SIK3: variants seen among roughly 807,000 people sequenced by gnomAD.
The protein encoded by SIK3 is SIK family kinase 3.
In SIK3, 28 loss-of-function variants were observed where a neutral mutation model predicts 144.2. That is an observed-to-expected ratio of 0.19 (90% CI 0.14 to 0.27). The LOEUF (loss-of-function observed/expected upper bound fraction) is 0.27. SIK3 is among the 10% of genes least tolerant of loss of function. The pLI, the probability that SIK3 is intolerant of heterozygous loss-of-function variation, is 1.00. For synonymous variants in SIK3, 686 were observed against 676.3 expected (o/e 1.01, Z -0.22); for missense variants, 1,319 against 1,776.0 (o/e 0.74, Z 4.62).
intron 1 of SIK3, among the ~76,000 whole-genome samples, chr11:117,085,516 T>C (rs1954966026): frequency 6.6e-6 from 1 of 152,184 alleles, no homozygotes; most frequent in African/African-American, 2.4e-5. Context: ...GAAAGGATTC[T>C]GGGATATGCT....
intron 4 of SIK3, among the ~76,000 whole-genome samples, chr11:116,915,543 T>G (rs1208948803): frequency 1.3e-5 from 2 of 151,930 alleles, no homozygotes; most frequent in Admixed American, 6.5e-5. Context: ...TTATTCCCAA[T>G]AAATCAAACT....
chr11:116,860,966 C>T (rs184246887), intron 19 of SIK3, among the ~76,000 whole-genome samples: 19 of 152,344 alleles, frequency 1.2e-4, no homozygotes, highest in Admixed American at 1.2e-3. Context: ...TTTTCTGAGG[C>T]CTCCCCAGCC....
chr11:117,051,291 TTC>T (rs1336092049), intron 1 of SIK3, among the ~76,000 whole-genome samples: 1 of 152,070 alleles, frequency 6.6e-6, no homozygotes, highest in African/African-American at 2.4e-5. Context: ...ATTCCCCTGG[TTC>T]TCAGGACCTC....
At chr11:117,095,064 G>A (rs1371428497) in intron 1 of SIK3, among the ~76,000 whole-genome samples, 2 of 151,998 alleles carry the variant, frequency 1.3e-5, no homozygotes, top group South Asian at 4.1e-4. Context: ...CACTCTAGAC[G>A]GTTTGAGAGT....
At chr11:116,983,401 G>A (rs757952644) in intron 1 of SIK3, among the ~76,000 whole-genome samples, 7 of 151,442 alleles carry the variant, frequency 4.6e-5, no homozygotes, top group Non-Finnish European at 1.0e-4. Context: ...ATGTTGGAGG[G>A]CGCCTGTAAT....
intron 4 of SIK3, among the ~76,000 whole-genome samples, chr11:116,898,027 GGTTA>G (rs1280130944): frequency 4.0e-5 from 6 of 151,788 alleles, no homozygotes; most frequent in Non-Finnish European, 8.8e-5. Flanking sequence ...ACAATGTGCA[GGTTA>G]GTTACATATG....
At position 116,952,036 on chromosome 11, in the gene SIK3, C is replaced by CT. The variant is rs200943063; in HGVS notation, c.454+2007dup. ...AGATTGATGTGCCCTGTGTTTGGGTCTTTTTTTATTACAAACATTAAGATG... is the reference window on the plus strand; with the variant it reads ...AGATTGATGTGCCCTGTGTTTGGGTCTTTTTTTTATTACAAACATTAAGATG... On this transcript the variant is annotated intron_variant, in intron 3 of 24. Transcript: ENST00000445177. Among the ~76,000 whole-genome samples the CT allele has an allele frequency of 2.1e-3, 313 of 152,102 alleles. 1 individual carries two copies. The highest frequency in any genetic ancestry group is 7.2e-3 in the African/African-American group (299 of 41,498).
intron 6 of SIK3, among the ~76,000 whole-genome samples, chr11:116,892,881 A>C (rs1440417271): frequency 1.3e-5 from 2 of 152,216 alleles, no homozygotes; most frequent in Non-Finnish European, 1.5e-5. Context: ...TTCAGTGCTA[A>C]AAAGAAACGG....
At chr11:116,972,211 A>T (rs528552080) in intron 1 of SIK3, among the ~76,000 whole-genome samples, 5 of 152,290 alleles carry the variant, frequency 3.3e-5, no homozygotes, top group African/African-American at 1.2e-4. Context: ...CAATGAAGTT[A>T]TGTGCCCTGG....
At chr11:116,966,142 T>C (rs900793208) in intron 1 of SIK3, among the ~76,000 whole-genome samples, 6 of 152,048 alleles carry the variant, frequency 3.9e-5, no homozygotes, top group Admixed American at 1.3e-4. Flanking sequence ...AGTGGCATAA[T>C]GACAAAATAG....
At chr11:116,887,072 T>G (rs1944858952) in intron 6 of SIK3, among the ~76,000 whole-genome samples, 1 of 152,144 alleles carries the variant, frequency 6.6e-6, no homozygotes, top group Non-Finnish European at 1.5e-5. Context: ...AAAAGTCATT[T>G]GACTTGGTCA....
intron 4 of SIK3, among the ~76,000 whole-genome samples, chr11:116,909,614 G>C (rs558806734): frequency 3.3e-4 from 50 of 152,254 alleles, no homozygotes; most frequent in African/African-American, 1.2e-3. Context: ...GCTATTTCTC[G>C]CCACTTGGAA....
chr11:116,976,576 A>AT (rs1188458325), intron 1 of SIK3, among the ~76,000 whole-genome samples: 1 of 152,176 alleles, frequency 6.6e-6, no homozygotes, highest in African/African-American at 2.4e-5. Context: ...AATCTATCCC[A>AT]TTTATCTGTC....
At chr11:116,921,927 CTTT>C (rs560541355) in intron 4 of SIK3, among the ~76,000 whole-genome samples, 1 of 146,096 alleles carries the variant, frequency 6.8e-6, no homozygotes. Context: ...ATGGTTCAAT[CTTT>C]TTTTTTTTTC....
chr11:116,968,939 C>T (rs1949662452), intron 1 of SIK3, among the ~76,000 whole-genome samples: 1 of 152,164 alleles, frequency 6.6e-6, no homozygotes, highest in Non-Finnish European at 1.5e-5. Context: ...AACATGACCC[C>T]TAATTCATTG....
chr11:116,912,058 G>T (rs1272767064), intron 4 of SIK3, among the ~76,000 whole-genome samples: 2 of 152,170 alleles, frequency 1.3e-5, no homozygotes, highest in Non-Finnish European at 2.9e-5. Flanking sequence ...CTCGCAAGTG[G>T]CTCTCAATAT....
At chr11:116,962,480 A>C (rs994296359) in intron 1 of SIK3, among the ~76,000 whole-genome samples, 1 of 152,214 alleles carries the variant, frequency 6.6e-6, no homozygotes, top group African/African-American at 2.4e-5. Flanking sequence ...GTTTTAAGGA[A>C]AGAGCTCTAT....
At chr11:117,027,209 AT>A (rs1952047819) in intron 1 of SIK3, among the ~76,000 whole-genome samples, 1 of 152,226 alleles carries the variant, frequency 6.6e-6, no homozygotes, top group African/African-American at 2.4e-5. Flanking sequence ...TTGAAAACAC[AT>A]TAGTCATCTC....
rs1943482344 is a variant in SIK3 at position 116,863,810 on chromosome 11, T to G, written c.1961A>C (p.Tyr654Ser). The G allele has an allele frequency of 1.9e-6, 3 of 1,609,262 alleles. No individual in the cohort carries two copies. Among genetic ancestry groups the G allele is most frequent in the Non-Finnish European group, 2.5e-6 (3 of 1,177,408 alleles). ...GAGGTGCAGAGTGTTGGAGTCCTTGTAGGTAGAGCTGAATATATGGGAAGA... is the reference window on the plus strand; with the variant it reads ...GAGGTGCAGAGTGTTGGAGTCCTTGGAGGTAGAGCTGAATATATGGGAAGA... The part of the protein sequence containing the change: ...HLVPDQHRST[Y>S]KDSNTLHLPT... Residue 654 changes from tyrosine (Y) to serine (S), a missense_variant, in exon 16 of 25, where the codon TAC (tyrosine) becomes TCC (serine). Coordinates refer to ENST00000445177, the MANE Select transcript of SIK3 (RefSeq NM_001366686.3).
Sources: allele counts gnomAD v4.1 joint callset (sites outside exome capture counted in the v4.1 genomes callset), GRCh38; gene constraint gnomAD v4.1.1; transcripts MANE v1.5; gene names NCBI Gene and HGNC (gene_info 2026-07-23, HGNC 2026-07-21).